Variants in ANO4 observed in about 807,000 individuals in gnomAD.
ANO4 encodes anoctamin 4, also known as anoctamin-4.
In ANO4, 69 loss-of-function variants were observed where a neutral mutation model predicts 141.9. That is an observed-to-expected ratio of 0.49 (90% CI 0.40 to 0.59). ANO4 has a LOEUF of 0.59. ANO4 is among the 20% of genes least tolerant of loss of function. The pLI, the probability that ANO4 is intolerant of heterozygous loss-of-function variation, is 0.00. For missense variants in ANO4, 894 were observed against 1,162.2 expected (o/e 0.77, Z 3.36); for synonymous variants, 350 against 394.3 (o/e 0.89, Z 1.33).
At chr12:100,848,104 A>G (rs558871928) in intron 1 of ANO4, among the ~76,000 whole-genome samples, 27 of 152,318 alleles carry the variant, frequency 1.8e-4, no homozygotes, top group African/African-American at 5.3e-4. Flanking sequence ...TTTTGTACCT[A>G]TGTCAACTGA....
chr12:100,838,873 G>A (rs1452987953), intron 1 of ANO4, among the ~76,000 whole-genome samples: 1 of 152,064 alleles, frequency 6.6e-6, no homozygotes, highest in Non-Finnish European at 1.5e-5. Context: ...TGTTTGAGAT[G>A]GGTTAAAGCC....
At chr12:101,032,981 G>A (rs1158712550) in intron 9 of ANO4, among the ~76,000 whole-genome samples, 1 of 151,992 alleles carries the variant, frequency 6.6e-6, no homozygotes, top group Non-Finnish European at 1.5e-5. Context: ...TATACCCAAA[G>A]GACTATAAAT....
At chr12:101,029,638 AT>A (rs140122469) in intron 9 of ANO4, among the ~76,000 whole-genome samples, 1,935 of 152,288 alleles carry the variant, frequency 0.013, 36 homozygotes, top group African/African-American at 0.044. Context: ...TTGGCTGGGC[AT>A]GGTGGCTCAA....
chr12:101,010,803 C>A (rs2046053502), intron 8 of ANO4, among the ~76,000 whole-genome samples: 1 of 152,192 alleles, frequency 6.6e-6, no homozygotes, highest in African/African-American at 2.4e-5. Context: ...CAACTTTAAA[C>A]ATCAGAAAAG....
intron 3 of ANO4, among the ~76,000 whole-genome samples, chr12:100,784,798 A>G (rs557603825): frequency 6.6e-6 from 1 of 152,292 alleles, no homozygotes; most frequent in South Asian, 2.1e-4. Context: ...AGAATATTCC[A>G]TTCCCCTAAC....
At chr12:100,919,592 AATG>A (rs138988208) in intron 2 of ANO4, among the ~76,000 whole-genome samples, 2,561 of 152,078 alleles carry the variant, frequency 0.017, 86 homozygotes, top group African/African-American at 0.059. Flanking sequence ...ATCTTTGCAC[AATG>A]ATGATATCTA....
chr12:100,958,466 C>T (rs1324414824), intron 5 of ANO4, among the ~76,000 whole-genome samples: 1 of 152,136 alleles, frequency 6.6e-6, no homozygotes, highest in East Asian at 1.9e-4. Context: ...ATCAGAGAGC[C>T]CCTACCCTTG....
intron 3 of ANO4, among the ~76,000 whole-genome samples, chr12:100,758,981 C>T (rs1177594064): frequency 3.9e-5 from 6 of 152,104 alleles, no homozygotes; most frequent in African/African-American, 9.7e-5. Flanking sequence ...TCAGGATGCT[C>T]GAGATCCTTA....
Position 101,076,180 on chromosome 12 carries a change from A to G in ANO4, c.1313-3013A>G, listed in dbSNP as rs188705512. 3.6e-3 allele frequency among the ~76,000 whole-genome samples: 542 copies of G among 152,272 alleles called. 5 individuals carry two copies. The highest frequency in any genetic ancestry group is 0.012 in the African/African-American group (510 of 41,560). ...GTTGAAATCCTATTCTTTAAGGTGAAGGTATTAGTAAGGGGGGCCTCTGGA... is the reference window on the plus strand; with the variant it reads ...GTTGAAATCCTATTCTTTAAGGTGAGGGTATTAGTAAGGGGGGCCTCTGGA... On this transcript the variant is annotated intron_variant, in intron 14 of 27. Coordinates refer to ENST00000392977, the MANE Select transcript of ANO4 (RefSeq NM_001286615.2).
intron 7 of ANO4, among the ~76,000 whole-genome samples, chr12:100,980,688 C>T (rs2044420119): frequency 6.6e-6 from 1 of 152,156 alleles, no homozygotes; most frequent in African/African-American, 2.4e-5. Context: ...AGCACTTCTT[C>T]ATAATATCTT....
Position 100,975,931 on chromosome 12 carries a change from C to CA in ANO4, c.602+1055dup, listed in dbSNP as rs1206913605. Among the ~76,000 whole-genome samples, 18 of 25,212 alleles carry CA rather than the reference C, an allele frequency of 7.1e-4. 1 individual carries two copies. In the East Asian group the frequency reaches 0.011, roughly 15 times the overall value. 16.5% of individuals were successfully genotyped at this position (25,212 alleles called of 152,430 possible). ...GTGCCCTTCCTACCCTCTTTTCTGCCAAAAAAAAAAAAAGAAAAAAAAAAC... is the reference window on the plus strand; with the variant it reads ...GTGCCCTTCCTACCCTCTTTTCTGCCAAAAAAAAAAAAAAGAAAAAAAAAAC... On this transcript the variant is annotated intron_variant, in intron 7 of 27. Coordinates refer to ENST00000392977, the MANE Select transcript of ANO4 (RefSeq NM_001286615.2).
chr12:100,832,041 G>A (rs1452285998), intron 1 of ANO4, among the ~76,000 whole-genome samples: 1 of 151,922 alleles, frequency 6.6e-6, no homozygotes, highest in African/African-American at 2.4e-5. Context: ...ATCTGTTCTG[G>A]TGTCAGAGCC....
intron 1 of ANO4, among the ~76,000 whole-genome samples, chr12:100,863,614 GCTAA>G (rs1336738119): frequency 2.6e-5 from 4 of 152,038 alleles, no homozygotes; most frequent in African/African-American, 7.2e-5. Context: ...AAGTAAAAGG[GCTAA>G]CTTAGTATAT....
chr12:100,982,567 C>T (rs1045641662), intron 7 of ANO4, among the ~76,000 whole-genome samples: 24 of 152,326 alleles, frequency 1.6e-4, no homozygotes, highest in African/African-American at 5.8e-4. Context: ...TAATTTTCTT[C>T]GTCCTAGAAA....
intron 1 of ANO4, among the ~76,000 whole-genome samples, chr12:100,901,409 AC>A (rs2040585683): frequency 1.3e-5 from 2 of 152,212 alleles, no homozygotes; most frequent in Admixed American, 1.3e-4. Context: ...AAATATGTGC[AC>A]ATTTTCCCAG....
At chr12:100,822,139 C>T (rs931511849) in intron 1 of ANO4, among the ~76,000 whole-genome samples, 30 of 151,936 alleles carry the variant, frequency 2.0e-4, no homozygotes, top group Non-Finnish European at 4.4e-5. Flanking sequence ...AGAAACAGCT[C>T]AAGAGATGTG....
intron 3 of ANO4, among the ~76,000 whole-genome samples, chr12:100,754,043 A>G (rs1162294502): frequency 2.0e-5 from 3 of 152,200 alleles, no homozygotes; most frequent in East Asian, 1.9e-4. Flanking sequence ...GGCTGGCACC[A>G]TTATTCAACC....
At chr12:100,836,490 C>G (rs538762395) in intron 1 of ANO4, among the ~76,000 whole-genome samples, 2 of 136,270 alleles carry the variant, frequency 1.5e-5, no homozygotes, top group African/African-American at 2.7e-5. Flanking sequence ...ATCCCTCCCC[C>G]CTCCCCCCAT....
intron 1 of ANO4, among the ~76,000 whole-genome samples, chr12:100,846,062 C>A (rs1947791639): frequency 6.6e-6 from 1 of 152,148 alleles, no homozygotes. Context: ...ATTTTCTAAT[C>A]CATAAAATGA....
Sources: allele counts gnomAD v4.1 joint callset (sites outside exome capture counted in the v4.1 genomes callset), GRCh38; gene constraint gnomAD v4.1.1; transcripts MANE v1.5; gene names NCBI Gene and HGNC (gene_info 2026-07-23, HGNC 2026-07-21).